ADAMTSL1: variants seen among roughly 807,000 people sequenced by gnomAD.
The protein encoded by ADAMTSL1 is ADAMTS like 1, also known as ADAMTS-like protein 1.
Under a neutral mutation model 201.8 loss-of-function variants are expected in ADAMTSL1, and 126 were observed. That is an observed-to-expected ratio of 0.62 (90% confidence interval 0.54 to 0.72). The LOEUF (loss-of-function observed/expected upper bound fraction) is 0.72, where lower values mean the gene tolerates loss of function less well. Ranked by LOEUF, ADAMTSL1 falls within the 30% of genes least tolerant of loss-of-function variation. The pLI, the probability that ADAMTSL1 is intolerant of heterozygous loss-of-function variation, is 0.00. For missense variants in ADAMTSL1, 2,679 were observed against 2,277.8 expected, an observed-to-expected ratio of 1.18 and a Z score of -3.59; for synonymous variants, 1,121 against 903.4, an observed-to-expected ratio of 1.24 and a Z score of -4.32.
At chr9:18,880,875 T>TG (rs1828485736) in intron 23 of ADAMTSL1, among the ~76,000 whole-genome samples, 1 of 152,232 alleles carries the variant, frequency 6.6e-6, no homozygotes, top group Non-Finnish European at 1.5e-5. Context: ...ATCTCTTGTG[T>TG]TTAACATAGC....
chr9:18,652,953 GA>G (rs1345161966), intron 7 of ADAMTSL1, among the ~76,000 whole-genome samples: 2 of 152,178 alleles, frequency 1.3e-5, no homozygotes, highest in African/African-American at 4.8e-5. Context: ...ATGTGTTCTT[GA>G]GAGGAAAAGT....
At chr9:18,664,905 G>T (rs1318295694) in intron 9 of ADAMTSL1, among the ~76,000 whole-genome samples, 1 of 151,710 alleles carries the variant, frequency 6.6e-6, no homozygotes, top group Non-Finnish European at 1.5e-5. Context: ...ATTAAATTTT[G>T]TTTTATATAT....
At chr9:18,743,960 T>C (rs1357895247) in intron 15 of ADAMTSL1, among the ~76,000 whole-genome samples, 1 of 152,208 alleles carries the variant, frequency 6.6e-6, no homozygotes, top group Non-Finnish European at 1.5e-5. Context: ...ACTCCTCCAG[T>C]CCTTAGAGAC....
intron 20 of ADAMTSL1, among the ~76,000 whole-genome samples, chr9:18,810,197 T>A (rs1254198641): frequency 6.6e-6 from 1 of 152,184 alleles, no homozygotes; most frequent in Non-Finnish European, 1.5e-5. Flanking sequence ...CATCAGATGA[T>A]ACATAATCTC....
intron 15 of ADAMTSL1, among the ~76,000 whole-genome samples, chr9:18,735,758 T>C (rs112750106): frequency 8.9e-5 from 11 of 124,120 alleles, no homozygotes; most frequent in African/African-American, 1.3e-4. Context: ...CTTTTTTTTT[T>C]TTTTTTTTTT....
At chr9:18,816,994 T>A (rs1027720685) in intron 20 of ADAMTSL1, 115 bp from the exon 21 acceptor site, 1 of 1,339,020 alleles carries the variant, frequency 7.5e-7, no homozygotes, top group African/African-American at 1.5e-5. Context: ...ACATAGTTAG[T>A]GGCAAAAGTC....
intron 1 of ADAMTSL1, among the ~76,000 whole-genome samples, chr9:17,992,170 A>G (rs1819182558): frequency 6.6e-6 from 1 of 152,084 alleles, no homozygotes; most frequent in Non-Finnish European, 1.5e-5. Context: ...ACCCCTGTCC[A>G]GGTTATCCTT....
At chr9:18,795,722 A>C (rs1822382497) in intron 20 of ADAMTSL1, among the ~76,000 whole-genome samples, 198 bp downstream of exon 20, 1 of 152,220 alleles carries the variant, frequency 6.6e-6, no homozygotes, top group Non-Finnish European at 1.5e-5. Flanking sequence ...ATAGTATGCA[A>C]GGACAGTACA....
chr9:18,077,110 T>C (rs1233201924), intron 1 of ADAMTSL1, among the ~76,000 whole-genome samples: 2 of 152,140 alleles, frequency 1.3e-5, no homozygotes, highest in Non-Finnish European at 2.9e-5. Context: ...TGGAGATTTA[T>C]TGGTCTATTT....
chr9:18,585,687 T>C (rs1014977777), intron 4 of ADAMTSL1, among the ~76,000 whole-genome samples: 2 of 152,186 alleles, frequency 1.3e-5, no homozygotes, highest in African/African-American at 2.4e-5. Flanking sequence ...TTGATGAATA[T>C]TGATGCAAAG....
chr9:18,871,896 C>CCGTCTTCAGG (rs1040554266), intron 23 of ADAMTSL1, among the ~76,000 whole-genome samples: 1 of 152,150 alleles, frequency 6.6e-6, no homozygotes, highest in Non-Finnish European at 1.5e-5. Context: ...ATACCACTTC[C>CCGTCTTCAGG]CGTCTTCAGG....
At chr9:18,663,670 G>A (rs569188285) in intron 9 of ADAMTSL1, among the ~76,000 whole-genome samples, 5 of 152,032 alleles carry the variant, frequency 3.3e-5, no homozygotes, top group African/African-American at 7.2e-5. Flanking sequence ...GTATTTCTAG[G>A]AGAAATGACA....
intron 4 of ADAMTSL1, among the ~76,000 whole-genome samples, chr9:18,599,748 T>G (rs1022850782): frequency 6.6e-6 from 1 of 151,554 alleles, no homozygotes; most frequent in East Asian, 1.9e-4. Context: ...CTGTAAAAAT[T>G]TGAATTAGTT....
chr9:18,687,335 A>G (rs1458264398), intron 13 of ADAMTSL1, among the ~76,000 whole-genome samples: 1 of 152,186 alleles, frequency 6.6e-6, no homozygotes, highest in Admixed American at 6.5e-5. Context: ...AATGTATGTA[A>G]CAACCTATAA....
chr9:18,566,631 G>A (rs191334459), intron 3 of ADAMTSL1, among the ~76,000 whole-genome samples: 2 of 152,224 alleles, frequency 1.3e-5, no homozygotes, highest in East Asian at 3.9e-4. Context: ...CAGAAGGGAT[G>A]GATAATGCAT....
At chr9:18,307,933 A>G (rs1833972698) in intron 2 of ADAMTSL1, among the ~76,000 whole-genome samples, 1 of 152,162 alleles carries the variant, frequency 6.6e-6, no homozygotes, top group Non-Finnish European at 1.5e-5. Context: ...AAAATTGACC[A>G]CATAATTGGA....
chr9:18,700,477 T>C (rs1407354617), intron 13 of ADAMTSL1, among the ~76,000 whole-genome samples: 1 of 152,184 alleles, frequency 6.6e-6, no homozygotes, highest in African/African-American at 2.4e-5. Context: ...TTTTTCCCTA[T>C]TTATCCAAAA....
At chr9:18,363,116 C>T (rs562202188) in intron 2 of ADAMTSL1, among the ~76,000 whole-genome samples, 4 of 152,194 alleles carry the variant, frequency 2.6e-5, no homozygotes, top group Admixed American at 1.3e-4. Flanking sequence ...AAGCAACTGA[C>T]GATGGAACCA....
At chr9:18,256,273 G>A (rs918270227) in intron 2 of ADAMTSL1, among the ~76,000 whole-genome samples, 3 of 152,132 alleles carry the variant, frequency 2.0e-5, no homozygotes, top group East Asian at 1.9e-4. Flanking sequence ...AGGCTGGGAC[G>A]TTTGTCTAAG....
Sources: gnomAD v4.1 joint callset for allele counts (sites outside exome capture counted in the v4.1 genomes callset) on GRCh38, gnomAD v4.1.1 for gene constraint, MANE v1.5 for transcripts, NCBI Gene and HGNC (gene_info 2026-07-23, HGNC 2026-07-21) for gene names.